The following PPP1R1A variants were observed in gnomAD, a reference collection of about 807,000 sequenced individuals.
PPP1R1A encodes protein phosphatase 1 regulatory inhibitor subunit 1A, also known as protein phosphatase 1 regulatory subunit 1A.
PPP1R1A carries 18 observed loss-of-function variants against 23.9 expected under a neutral mutation model. That is an observed-to-expected ratio of 0.75 (90% CI 0.52 to 1.12). The LOEUF is 1.12. Ranked by LOEUF, PPP1R1A falls within the 50% of genes most tolerant of loss-of-function variation. The pLI is 0.00. For synonymous variants in PPP1R1A, 84 were observed against 80.7 expected, an observed-to-expected ratio of 1.04 and a Z score of -0.22; for missense variants, 207 against 223.8, an observed-to-expected ratio of 0.92 and a Z score of 0.48.
chr12:54,582,227 A>AATGTGTGCTGAGC, intron 4 of PPP1R1A, 96 bp from the exon 5 acceptor site: 1 of 1,314,954 alleles, frequency 7.6e-7, no homozygotes, highest in Non-Finnish European at 1.0e-6. Flanking sequence ...AAGGCTCAGC[A>AATGTGTGCTGAGC]CACATTGCTG....
chr12:54,584,261 T>G lies in PPP1R1A; in HGVS notation c.144A>C (p.Pro48=). The G allele has an allele frequency of 6.2e-7, 1 of 1,600,156 alleles. No homozygotes were observed. The highest frequency in any genetic ancestry group is 8.5e-7 in the Non-Finnish European group (1 of 1,173,398). Reference sequence around the variant, plus strand: ...TCAGCAACCTATCCCTTGGCTTACCTGGGGATGACTGGTCACTGGTCAGCA... The same window carrying G: ...TCAGCAACCTATCCCTTGGCTTACCGGGGGATGACTGGTCACTGGTCAGCA... ...TLVLTSDQSS[P]EIDEDRIPNP... is the part of the protein sequence containing the mutation. The change falls in exon 2 of 7, where the codon CCA becomes CCC. Residue 48 remains proline (P), a splice_region_variant and synonymous_variant. Transcript: ENST00000257905.
chr12:54,583,369 G>A, intron 2 of PPP1R1A, 121 bp from the exon 3 acceptor site: 4 of 985,476 alleles, frequency 4.1e-6, no homozygotes, highest in Non-Finnish European at 5.5e-6. Flanking sequence ...CCTCACATCT[G>A]CCCCCAGGCT....
Position 54,581,854 on chromosome 12 carries a change from T to C in PPP1R1A, c.403+122A>G. On this transcript the variant is annotated intron_variant, in intron 5 of 6. Coordinates refer to ENST00000257905, the MANE Select transcript of PPP1R1A (RefSeq NM_006741.4). The surrounding 1 kb of genome is among the most constrained non-coding windows in gnomAD (Gnocchi z 4.1). ...CAACAGATCCATATCCTTGAGACAG[T>C]TTTTGCCTACTACTAGGCCTCTCCC... 1 of 1,071,950 alleles carries C rather than the reference T, an allele frequency of 9.3e-7. No homozygotes were observed. 66.4% of individuals were successfully genotyped at this position (1,071,950 alleles called of 1,614,324 possible). A position where few individuals can be genotyped will look rare whatever the true frequency, so the allele number is the denominator to read the frequency against.
chr12:54,584,495 C>T (rs528335533), intron 1 of PPP1R1A, among the ~76,000 whole-genome samples, 175 bp from the exon 2 acceptor site: 3 of 152,230 alleles, frequency 2.0e-5, no homozygotes, highest in Non-Finnish European at 2.9e-5. Context: ...AAACAGAAAA[C>T]CAAATACTGC....
Position 54,582,067 on chromosome 12 carries a change from G to A in PPP1R1A, c.312C>T (p.Ala104=), listed in dbSNP as rs762861440. 14 of 1,613,746 alleles carry A rather than the reference G, an allele frequency of 8.7e-6. No homozygotes were observed. The highest frequency in any genetic ancestry group is 4.5e-5 in the East Asian group (2 of 44,842). Residue 104 remains alanine, a synonymous_variant, in exon 5 of 7, where the codon GCC becomes GCT. Coordinates refer to ENST00000257905, the MANE Select transcript of PPP1R1A (RefSeq NM_006741.4). ...ACTCCTGGGTTCCTGTGCTCTCAGC[G>A]GCCCCCTCAGGTTCCTCTCCTTGCT... is the stretch of plus-strand genomic sequence containing the variant. The part of the protein sequence containing the change: ...QQQQGEEPEG[A]AESTGTQESR...
Position 54,588,433 on chromosome 12 carries a change from G to C in PPP1R1A, c.56C>G (p.Pro19Arg). Residue 19 changes from proline (P) to arginine (R), a missense_variant, in exon 1 of 7, where the codon CCG (proline) becomes CGG (arginine). By Grantham distance (103) the Pro-to-Arg change is moderately radical (BLOSUM62 -2). Transcript: ENST00000257905. ...KIQFTVPLLEPHLDPEAAEQI... is the reference protein window; with the variant it reads ...KIQFTVPLLERHLDPEAAEQI... ...CTCCGCCGCCTCGGGGTCAAGGTGC[G>C]GCTCCAGCAGCGGGACCGTGAACTG... 1 of 1,500,190 alleles carries C rather than the reference G, an allele frequency of 6.7e-7. No individual in the cohort carries two copies. Among genetic ancestry groups the C allele is most frequent in the South Asian group, 1.3e-5 (1 of 79,570 alleles). 92.9% of individuals were successfully genotyped at this position (1,500,190 alleles called of 1,614,324 possible).
intron 3 of PPP1R1A, among the ~76,000 whole-genome samples, 155 bp downstream of exon 3, chr12:54,583,056 T>A (rs939979735): frequency 6.6e-6 from 1 of 152,006 alleles, no homozygotes; most frequent in East Asian, 1.9e-4. Context: ...GTGGGGTGCA[T>A]GTGTATATGT....
intron 2 of PPP1R1A, 115 bp downstream of exon 2, chr12:54,584,145 G>A (rs1957885426): frequency 2.8e-6 from 3 of 1,078,808 alleles, no homozygotes; most frequent in Non-Finnish European, 4.2e-6. Context: ...CTTCAGTACT[G>A]AGGACATCCC....
chr12:54,580,155 C>T lies in PPP1R1A; in HGVS notation c.*232G>A, dbSNP rs1957840999. On this transcript the variant is annotated 3_prime_UTR_variant, in exon 7 of 7. Transcript: ENST00000257905. ...GCTTCTGCCTAGCTCCTGTTTCTTC[C>T]TTCCCAGAGGCAGCTTGGCAGGAGG... is the stretch of plus-strand genomic sequence containing the variant. 1 of 1,343,054 alleles carries T rather than the reference C, an allele frequency of 7.4e-7. No homozygotes were observed. Among genetic ancestry groups the T allele is most frequent in the East Asian group, 2.9e-5 (1 of 34,078 alleles). 83.2% of individuals were successfully genotyped at this position (1,343,054 alleles called of 1,614,324 possible).
chr12:54,580,485 T>C, intron 6 of PPP1R1A, 93 bp from the exon 7 acceptor site: 1 of 1,282,704 alleles, frequency 7.8e-7, no homozygotes, highest in Non-Finnish European at 1.1e-6. Flanking sequence ...TGTCAACATC[T>C]AATGTCTCAG....
chr12:54,588,266 GC>G, intron 1 of PPP1R1A, 138 bp downstream of exon 1: 1 of 69,344 alleles, frequency 1.4e-5, no homozygotes. Flanking sequence ...ACCCCCCCCC[GC>G]CCCCCGCAAA....
intron 1 of PPP1R1A, among the ~76,000 whole-genome samples, chr12:54,585,966 C>T (rs566880656): frequency 7.9e-5 from 12 of 152,110 alleles, no homozygotes; most frequent in Non-Finnish European, 1.6e-4. Flanking sequence ...AACTGTGAGT[C>T]GTCTCTGGTC....
chr12:54,583,175 T>A (rs371373180), intron 3 of PPP1R1A, 36 bp downstream of exon 3: 1 of 1,549,240 alleles, frequency 6.5e-7, no homozygotes, highest in Non-Finnish European at 8.7e-7. Context: ...ATGTGGGGGT[T>A]TTTTGGGCTG....
At position 54,588,609 on chromosome 12, in the gene PPP1R1A, C is replaced by G; in HGVS notation, c.-121G>C. Reference sequence around the variant, plus strand: ...GGCCCCGGCCCCAGCCCGGCGCGCTCGGCTCCCGGCTCCCGGCACAGCGCT... The same window carrying G: ...GGCCCCGGCCCCAGCCCGGCGCGCTGGGCTCCCGGCTCCCGGCACAGCGCT... On this transcript the variant is annotated 5_prime_UTR_variant, in exon 1 of 7. Transcript: ENST00000257905. 1 of 357,738 alleles carries G rather than the reference C, an allele frequency of 2.8e-6. No homozygotes were observed. 22.2% of individuals were successfully genotyped at this position (357,738 alleles called of 1,614,324 possible).
At chr12:54,588,328 G>T in intron 1 of PPP1R1A, 77 bp downstream of exon 1, 2 of 1,239,830 alleles carry the variant, frequency 1.6e-6, no homozygotes, top group Non-Finnish European at 1.1e-6. Context: ...ACTAGGCAGG[G>T]ATCCTGGGTC....
Position 54,588,526 on chromosome 12 carries a change from G to C in PPP1R1A, c.-38C>G. 7.8e-7 allele frequency: 1 copy of C among 1,279,254 alleles called. No homozygotes were observed. 79.2% of individuals were successfully genotyped at this position (1,279,254 alleles called of 1,614,324 possible). ...GGCCGGTGGGCCCGCGCTGCGGCGG[G>C]AGGGAAGGCGGCGGGACTCGGGGCT... On this transcript the variant is annotated 5_prime_UTR_variant, in exon 1 of 7. Transcript: ENST00000257905.
rs1481347459 is a variant in PPP1R1A at position 54,583,191 on chromosome 12, A to T, written c.183+20T>A. On this transcript the variant is annotated intron_variant, in intron 3 of 6. Coordinates refer to ENST00000257905, the MANE Select transcript of PPP1R1A (RefSeq NM_006741.4). ...TGTGGGGGTTTTTTGGGCTGGGCTT[A>T]GTGGGATGGGCCAGCTCACCTTGAG... 1.9e-6 allele frequency: 3 copies of T among 1,557,380 alleles called. No homozygotes were observed. Among genetic ancestry groups the T allele is most frequent in the Non-Finnish European group, 2.6e-6 (3 of 1,156,686 alleles).
At chr12:54,587,467 G>A (rs1957921323) in intron 1 of PPP1R1A, among the ~76,000 whole-genome samples, 1 of 152,132 alleles carries the variant, frequency 6.6e-6, no homozygotes, top group Non-Finnish European at 1.5e-5. Flanking sequence ...GAGTAGTAAG[G>A]ACCACGGGTG....
At chr12:54,588,354 T>TC in intron 1 of PPP1R1A, 51 bp downstream of exon 1, 1 of 1,406,578 alleles carries the variant, frequency 7.1e-7, no homozygotes, top group Non-Finnish European at 9.5e-7. Context: ...AGTCCAGGGG[T>TC]CCCTCGTCCT....
Sources: gnomAD v4.1 joint callset for allele counts (sites outside exome capture counted in the v4.1 genomes callset) on GRCh38, gnomAD v4.1.1 for gene constraint, Gnocchi (gnomAD v3.1) non-coding constraint, MANE v1.5 for transcripts, NCBI Gene and HGNC (gene_info 2026-07-23, HGNC 2026-07-21) for gene names.